ASIC2: variants seen among roughly 807,000 people sequenced by gnomAD.
ASIC2 encodes the protein acid-sensing ion channel 2.
Under a neutral mutation model 57.3 loss-of-function variants are expected in ASIC2, and 25 were observed. The ratio of observed to expected loss-of-function variants is 0.44; its 90% CI spans 0.32 to 0.61. The LOEUF (loss-of-function observed/expected upper bound fraction) is 0.61, where lower values mean the gene tolerates loss of function less well. Ranked by LOEUF, ASIC2 falls within the 20% of genes least tolerant of loss-of-function variation. The pLI, the probability that ASIC2 is intolerant of heterozygous loss-of-function variation, is 0.06. For missense variants in ASIC2, 641 were observed against 738.1 expected, an observed-to-expected ratio of 0.87 and a Z score of 1.52; for synonymous variants, 319 against 307.5, an observed-to-expected ratio of 1.04 and a Z score of -0.39.
intron 1 of ASIC2, among the ~76,000 whole-genome samples, chr17:33,247,325 C>A (rs1246528697): frequency 6.6e-6 from 1 of 152,066 alleles, no homozygotes; most frequent in Non-Finnish European, 1.5e-5. Context: ...GAAATAAGTT[C>A]TTTTTAGTGT....
intron 1 of ASIC2, among the ~76,000 whole-genome samples, chr17:33,638,797 A>C (rs1246230522): frequency 6.6e-6 from 1 of 152,040 alleles, no homozygotes. Flanking sequence ...CCTGAACAGA[A>C]TAAGCCAAAA....
chr17:33,870,537 T>C (rs1020220858), intron 1 of ASIC2, among the ~76,000 whole-genome samples: 7 of 151,842 alleles, frequency 4.6e-5, no homozygotes, highest in Non-Finnish European at 8.8e-5. Flanking sequence ...GGAGGAAGAA[T>C]TCAGGGTGCC....
chr17:33,653,689 G>A (rs1906992888), intron 1 of ASIC2, among the ~76,000 whole-genome samples: 2 of 152,098 alleles, frequency 1.3e-5, no homozygotes, highest in South Asian at 4.1e-4. Context: ...GATTGCTTTG[G>A]CCACCTTCCT....
chr17:33,783,592 C>G (rs1911520288), intron 1 of ASIC2, among the ~76,000 whole-genome samples: 1 of 152,250 alleles, frequency 6.6e-6, no homozygotes, highest in Admixed American at 6.5e-5. Context: ...TAGATGAACA[C>G]TTAGGTGGTG....
At chr17:34,038,369 G>A (rs1479129686) in intron 1 of ASIC2, 1 of 1,611,094 alleles carries the variant, frequency 6.2e-7, no homozygotes, top group Non-Finnish European at 8.5e-7. Flanking sequence ...AACTATTCTG[G>A]GATGGTCCAG....
At chr17:33,801,490 A>T (rs907217153) in intron 1 of ASIC2, among the ~76,000 whole-genome samples, 8 of 152,112 alleles carry the variant, frequency 5.3e-5, no homozygotes, top group African/African-American at 1.9e-4. Flanking sequence ...GGAGTCAGGG[A>T]GGTATGGATT....
chr17:33,164,310 C>T (rs1463964655), intron 1 of ASIC2, among the ~76,000 whole-genome samples: 5 of 152,132 alleles, frequency 3.3e-5, no homozygotes, highest in Admixed American at 6.5e-5. Flanking sequence ...TATATTTAGG[C>T]GACTCATGAA....
chr17:33,455,903 GA>G (rs1325813754), intron 1 of ASIC2, among the ~76,000 whole-genome samples: 3 of 152,212 alleles, frequency 2.0e-5, no homozygotes, highest in Non-Finnish European at 4.4e-5. Context: ...GACAGAGCAG[GA>G]GGGGGCTTTA....
chr17:33,256,602 G>A (rs944442964), intron 1 of ASIC2, among the ~76,000 whole-genome samples: 2 of 152,172 alleles, frequency 1.3e-5, no homozygotes, highest in Non-Finnish European at 2.9e-5. Context: ...CAGCACTGAG[G>A]TGGTGTATCA....
At chr17:33,579,817 C>T (rs116976907) in intron 1 of ASIC2, among the ~76,000 whole-genome samples, 5,325 of 152,168 alleles carry the variant, frequency 0.035, 111 homozygotes, top group Middle Eastern at 0.061. Context: ...CCTTGGATTT[C>T]GGCGTCTGGC....
intron 1 of ASIC2, among the ~76,000 whole-genome samples, chr17:33,448,288 A>G (rs1372519478): frequency 6.6e-6 from 1 of 152,188 alleles, no homozygotes; most frequent in Non-Finnish European, 1.5e-5. Context: ...TACCTTCATT[A>G]GAATGTGAAT....
chr17:34,144,361 A>G (rs1912358416), intron 1 of ASIC2, among the ~76,000 whole-genome samples: 1 of 152,204 alleles, frequency 6.6e-6, no homozygotes, highest in Non-Finnish European at 1.5e-5. Context: ...CTCAACTATA[A>G]TAGCAGGAGC....
Position 33,838,696 on chromosome 17 carries a change from C to T in ASIC2, c.555+317282G>A, listed in dbSNP as rs144135305. Among the ~76,000 whole-genome samples the T allele has an allele frequency of 5.7e-3, 874 of 152,176 alleles. 9 individuals carry two copies. The highest frequency in any genetic ancestry group is 0.02 in the African/African-American group (824 of 41,494). On this transcript the variant is annotated intron_variant, in intron 1 of 9. Coordinates refer to the ASIC2 transcript ENST00000359872. ...GATAACTGGAGTGCTAGCAGCATGT[C>T]GCTTTATGATCTCACACATGCTCTG...
chr17:33,764,901 A>G (rs1259140909), intron 1 of ASIC2, among the ~76,000 whole-genome samples: 1 of 151,914 alleles, frequency 6.6e-6, no homozygotes, highest in Admixed American at 6.6e-5. Flanking sequence ...CATCTTCCTG[A>G]TTGTTACTTT....
In ASIC2 at chr17:33,068,143, T is replaced by C. The variant is rs1208806162; in HGVS notation, c.987+20720A>G. ...TTGTGGGCTTCTAGGTGACTGGACC[T>C]GGGGGGGTGGAAGGGTGGAATTATC... On this transcript the variant is annotated intron_variant, in intron 3 of 9. Coordinates refer to ENST00000225823, the MANE Select transcript of ASIC2 (RefSeq NM_183377.2). Among the ~76,000 whole-genome samples, 6 of 151,874 alleles carry C rather than the reference T, an allele frequency of 4.0e-5. No individual in the cohort carries two copies. The East Asian group carries it at 9.6e-4, about 24-fold the overall frequency.
intron 1 of ASIC2, among the ~76,000 whole-genome samples, chr17:33,134,939 G>A (rs1482158553): frequency 6.6e-6 from 1 of 152,230 alleles, no homozygotes; most frequent in Non-Finnish European, 1.5e-5. Flanking sequence ...ACTTAGGATA[G>A]CAGAGAAATA....
At chr17:33,201,669 A>T (rs554349239) in intron 1 of ASIC2, among the ~76,000 whole-genome samples, 1 of 152,330 alleles carries the variant, frequency 6.6e-6, no homozygotes, top group Admixed American at 6.5e-5. Flanking sequence ...CACTGCCTAT[A>T]GAGTAGCCCT....
chr17:33,874,480 G>A (rs1022930356), intron 1 of ASIC2, among the ~76,000 whole-genome samples: 2 of 152,292 alleles, frequency 1.3e-5, no homozygotes, highest in African/African-American at 2.4e-5. Context: ...GCTAAACCAA[G>A]CAACCTTAGT....
chr17:33,767,895 T>A (rs1300155771), intron 1 of ASIC2, among the ~76,000 whole-genome samples: 1 of 152,250 alleles, frequency 6.6e-6, no homozygotes, highest in Non-Finnish European at 1.5e-5. Flanking sequence ...GCTGCTTCAC[T>A]GATTCAGTTC....
Sources: gnomAD v4.1 joint callset for allele counts (sites outside exome capture counted in the v4.1 genomes callset) on GRCh38, gnomAD v4.1.1 for gene constraint, MANE v1.5 for transcripts, NCBI Gene and HGNC (gene_info 2026-07-23, HGNC 2026-07-21) for gene names.